The following FAM107B variants were observed in gnomAD, a reference collection of about 807,000 sequenced individuals.
FAM107B encodes family with sequence similarity 107 member B.
FAM107B carries 21 observed loss-of-function variants against 31.5 expected under a neutral mutation model. The observed-to-expected ratio is 0.67, with a 90% CI of 0.47 to 0.96. The LOEUF (loss-of-function observed/expected upper bound fraction) is 0.96, where lower values mean the gene tolerates loss of function less well. Ranked by LOEUF, FAM107B falls within the 40% of genes least tolerant of loss-of-function variation. The pLI, the probability that FAM107B is intolerant of heterozygous loss-of-function variation, is 0.00. For missense variants in FAM107B, 452 were observed against 377.1 expected, an observed-to-expected ratio of 1.20 and a Z score of -1.64; for synonymous variants, 157 against 141.5, an observed-to-expected ratio of 1.11 and a Z score of -0.78.
intron 2 of FAM107B, among the ~76,000 whole-genome samples, chr10:14,617,866 C>A (rs769143647): frequency 6.6e-6 from 1 of 151,484 alleles, no homozygotes; most frequent in South Asian, 2.1e-4. Flanking sequence ...CTGAGACAGG[C>A]GAATTGCTTG....
chr10:14,636,299 C>T (rs935546136), intron 2 of FAM107B, among the ~76,000 whole-genome samples: 1 of 148,616 alleles, frequency 6.7e-6, no homozygotes, highest in Admixed American at 6.7e-5. Context: ...GCCAACAATT[C>T]CAGGATCATG....
At chr10:14,570,150 T>C (rs993063296) in intron 2 of FAM107B, among the ~76,000 whole-genome samples, 12 of 151,952 alleles carry the variant, frequency 7.9e-5, no homozygotes, top group African/African-American at 2.9e-4. Flanking sequence ...GGTAATTGAG[T>C]GTCCTATGTT....
intron 2 of FAM107B, among the ~76,000 whole-genome samples, chr10:14,543,100 T>C (rs1848374188): frequency 6.6e-6 from 1 of 152,172 alleles, no homozygotes; most frequent in Non-Finnish European, 1.5e-5. Flanking sequence ...GATTTGGAGT[T>C]TCTCTCTCCT....
chr10:14,756,272 C>T (rs1002987436), intron 1 of FAM107B, among the ~76,000 whole-genome samples: 1 of 152,182 alleles, frequency 6.6e-6, no homozygotes, highest in African/African-American at 2.4e-5. Flanking sequence ...AATTAATTCT[C>T]TTCATCAAAC....
chr10:14,596,202 T>G (rs1394800638), intron 2 of FAM107B, among the ~76,000 whole-genome samples: 1 of 152,066 alleles, frequency 6.6e-6, no homozygotes. Flanking sequence ...TCTCAAATTC[T>G]CCTCCTCGGA....
rs184135958 is a variant in FAM107B at position 14,677,250 on chromosome 10, T to C, written c.412-9559A>G. ...CAAAAAGGAGATTCAAACCCAGGCC[T>C]ACTCGGCTCTCAAACCCGTGATATA... On this transcript the variant is annotated intron_variant, in intron 1 of 4. Transcript: ENST00000181796. Among the ~76,000 whole-genome samples, 134 of 152,292 alleles carry C rather than the reference T, an allele frequency of 8.8e-4. 1 individual carries two copies. The highest frequency in any genetic ancestry group is 3.1e-3 in the African/African-American group (129 of 41,550).
chr10:14,541,271 C>T (rs946060645), intron 2 of FAM107B, among the ~76,000 whole-genome samples: 21 of 152,190 alleles, frequency 1.4e-4, no homozygotes, highest in Admixed American at 1.2e-3. Flanking sequence ...TTAATCAGAT[C>T]AGGGCTACCA....
chr10:14,560,883 G>C (rs1850182049), intron 2 of FAM107B, among the ~76,000 whole-genome samples: 1 of 152,264 alleles, frequency 6.6e-6, no homozygotes, highest in African/African-American at 2.4e-5. Flanking sequence ...TCATGTCCCT[G>C]TTTCTCCCCC....
chr10:14,650,476 GGGTT>G (rs1474927574), intron 2 of FAM107B, among the ~76,000 whole-genome samples: 1 of 152,056 alleles, frequency 6.6e-6, no homozygotes, highest in Non-Finnish European at 1.5e-5. Flanking sequence ...AGTAGAGATG[GGGTT>G]TCACCATGTT....
At chr10:14,567,123 A>G (rs913488843) in intron 2 of FAM107B, among the ~76,000 whole-genome samples, 31 of 152,368 alleles carry the variant, frequency 2.0e-4, no homozygotes, top group African/African-American at 7.5e-4. Flanking sequence ...ACTGCACTCC[A>G]GCCTGGGTGA....
chr10:14,572,058 C>A (rs1851271693), intron 2 of FAM107B: 3 of 985,398 alleles, frequency 3.0e-6, no homozygotes, highest in Non-Finnish European at 3.6e-6. Context: ...ACCATCCCCA[C>A]AAAGAACTCT....
intron 2 of FAM107B, among the ~76,000 whole-genome samples, chr10:14,559,113 A>AAC (rs1401640866): frequency 1.7e-3 from 115 of 69,018 alleles, no homozygotes; most frequent in African/African-American, 4.6e-3. Context: ...AAAAAAAAAA[A>AAC]AAAACAAAAA....
chr10:14,723,349 A>T, intron 1 of FAM107B: 1 of 545,202 alleles, frequency 1.8e-6, no homozygotes, highest in Non-Finnish European at 3.6e-6. Context: ...CAGTGAACTC[A>T]GGTGCTGGAG....
Position 14,572,025 on chromosome 10 carries a change from A to T in FAM107B, c.470-41510T>A. ...GTGGTAGTTCCTTAGAGCGGTGAAG[A>T]AAAGCACCCAAAACAAGAATTAACC... On this transcript the variant is annotated intron_variant, in intron 2 of 4. Coordinates refer to ENST00000181796, the MANE Select transcript of FAM107B (RefSeq NM_031453.4). The T allele has an allele frequency of 3.0e-6, 3 of 985,440 alleles. No individual in the cohort carries two copies. The African/African-American group carries it at 5.2e-5, about 17-fold the overall frequency. The allele number at this position is 985,440 out of a possible 1,614,324, so 61.0% of individuals were successfully genotyped here.
At chr10:14,598,415 T>C (rs1351587516) in intron 2 of FAM107B, among the ~76,000 whole-genome samples, 1 of 152,170 alleles carries the variant, frequency 6.6e-6, no homozygotes, top group Non-Finnish European at 1.5e-5. Flanking sequence ...CGAGCATGCA[T>C]GAACCTGGAG....
intron 2 of FAM107B, among the ~76,000 whole-genome samples, chr10:14,620,511 T>C (rs1852981959): frequency 6.6e-6 from 1 of 151,236 alleles, no homozygotes; most frequent in South Asian, 2.1e-4. Context: ...ATAACGCTGA[T>C]TTTTTTCAAA....
chr10:14,636,579 G>C (rs138634646), intron 2 of FAM107B, among the ~76,000 whole-genome samples: 152 of 152,068 alleles, frequency 1.0e-3, no homozygotes, highest in African/African-American at 3.5e-3. Context: ...AGTAATATTG[G>C]ATTATGGCCC....
intron 2 of FAM107B, among the ~76,000 whole-genome samples, chr10:14,608,372 A>T (rs184342112): frequency 1.3e-5 from 2 of 152,354 alleles, no homozygotes; most frequent in East Asian, 3.9e-4. Flanking sequence ...CATCGCCTCA[A>T]AACTTTAGTG....
At position 14,644,099 on chromosome 10, in the gene FAM107B, T is replaced by G. The variant is rs375530127; in HGVS notation, c.469+23535A>C. On this transcript the variant is annotated intron_variant, in intron 2 of 4. Transcript: ENST00000181796. ...TTTCCTCTCTCTCTTTGTATTCTTATTCTCTCTCACTCTGTACATAATCCT... is the reference window on the plus strand; with the variant it reads ...TTTCCTCTCTCTCTTTGTATTCTTAGTCTCTCTCACTCTGTACATAATCCT... Among the ~76,000 whole-genome samples the G allele has an allele frequency of 5.9e-5, 9 of 152,354 alleles. No homozygotes were observed. The South Asian group carries it at 1.7e-3, about 28-fold the overall frequency.
Sources: allele counts gnomAD v4.1 joint callset (sites outside exome capture counted in the v4.1 genomes callset), GRCh38; gene constraint gnomAD v4.1.1; transcripts MANE v1.5; gene names NCBI Gene and HGNC (gene_info 2026-07-23, HGNC 2026-07-21).